The following POF1B variants were observed in gnomAD, a reference collection of about 807,000 sequenced individuals.
POF1B encodes the protein POF1B actin binding protein.
In POF1B, 53 loss-of-function variants were observed where a neutral mutation model predicts 55.3. That is an observed-to-expected ratio of 0.96 (90% CI 0.77 to 1.20). The LOEUF (loss-of-function observed/expected upper bound fraction) is 1.20, where lower values mean the gene tolerates loss of function less well. Ranked by LOEUF, POF1B falls within the 50% of genes most tolerant of loss-of-function variation. The pLI, the probability that POF1B is intolerant of heterozygous loss-of-function variation, is 0.00. For missense variants in POF1B, 478 were observed against 420.5 expected (o/e 1.14, Z -1.20); for synonymous variants, 188 against 148.3 (o/e 1.27, Z -1.95).
intron 4 of POF1B, among the ~76,000 whole-genome samples, chrX:85,357,828 G>A (rs963379688): frequency 1.7e-4 from 19 of 111,195 alleles, no homozygotes; most frequent in African/African-American, 6.2e-4. Flanking sequence ...CCACATCTCT[G>A]TTAAATGTGA....
chrX:85,317,477 G>A (rs146338395), intron 7 of POF1B, among the ~76,000 whole-genome samples: 30 of 109,915 alleles, frequency 2.7e-4, no homozygotes, highest in Non-Finnish European at 4.8e-4. Context: ...TCTGACTGGT[G>A]TGAGAAGGTA....
Position 85,374,885 on chromosome X carries a change from A to G in POF1B, c.282+4288T>C, listed in dbSNP as rs534820457. Among the ~76,000 whole-genome samples, 72 of 112,286 alleles carry G rather than the reference A, an allele frequency of 6.4e-4. 1 individual carries two copies. In the South Asian group the frequency reaches 0.024, roughly 37 times the overall value. On this transcript the variant is annotated intron_variant, in intron 2 of 16. Coordinates refer to ENST00000262753, the MANE Select transcript of POF1B (RefSeq NM_024921.4). ...ATACTCAACTTATATAGCAAGAAAC[A>G]TGTTATTTATAATAATCTCTCTTTA...
At chrX:85,355,618 A>G (rs1933477885) in intron 4 of POF1B, among the ~76,000 whole-genome samples, 2 of 112,014 alleles carry the variant, frequency 1.8e-5, no homozygotes, top group Non-Finnish European at 3.8e-5. Flanking sequence ...ACAAGAAAAA[A>G]ACAAACAACC....
intron 15 of POF1B, among the ~76,000 whole-genome samples, chrX:85,284,033 A>C (rs945014329): frequency 5.4e-5 from 6 of 111,557 alleles, no homozygotes; most frequent in Non-Finnish European, 9.4e-5. Flanking sequence ...CAGAGAGCCA[A>C]ATCACGAGTG....
chrX:85,289,745 T>C (rs58513361), intron 15 of POF1B, among the ~76,000 whole-genome samples: 2,857 of 111,285 alleles, frequency 0.026, 95 homozygotes, highest in African/African-American at 0.088. Context: ...TTTGAAGAAT[T>C]AGTTTAGGGA....
intron 7 of POF1B, among the ~76,000 whole-genome samples, chrX:85,328,165 CTTTT>C (rs1170529846): frequency 4.7e-4 from 48 of 101,751 alleles, no homozygotes; most frequent in East Asian, 3.7e-3. Context: ...TATACAATAT[CTTTT>C]TTATTTATTT....
In POF1B at chrX:85,279,336, A is replaced by T; in HGVS notation, c.*85T>A. ...TCCAAATTCTGATTGGCCTTTAGTG[A>T]TGGAAAAATAACAAAGTACTAATGC... On this transcript the variant is annotated 3_prime_UTR_variant, in exon 17 of 17. Coordinates refer to ENST00000262753, the MANE Select transcript of POF1B (RefSeq NM_024921.4). 1.0e-6 allele frequency: 1 copy of T among 971,218 alleles called. No homozygotes were observed. Among genetic ancestry groups the T allele is most frequent in the Non-Finnish European group, 1.4e-6 (1 of 700,433 alleles). The allele number at this position is 971,218 out of a possible 1,213,427, so 80.0% of individuals were successfully genotyped here.
intron 7 of POF1B, among the ~76,000 whole-genome samples, chrX:85,317,619 GTTGT>G (rs1932798782): frequency 9.0e-6 from 1 of 110,637 alleles, no homozygotes; most frequent in Non-Finnish European, 1.9e-5. Context: ...TTTTAATGAG[GTTGT>G]TTGTTTTTTG....
At chrX:85,361,956 G>A (rs1331579198) in intron 3 of POF1B, among the ~76,000 whole-genome samples, 5 of 62,233 alleles carry the variant, frequency 8.0e-5, no homozygotes, top group Middle Eastern at 7.8e-3. Flanking sequence ...TAGGTATTTC[G>A]TGTGTGTGTG....
At chrX:85,313,128 C>A (rs1932748148) in intron 9 of POF1B, among the ~76,000 whole-genome samples, 1 of 111,695 alleles carries the variant, frequency 9.0e-6, no homozygotes, top group Non-Finnish European at 1.9e-5. Context: ...CAAACAGAGA[C>A]AATTTGACTT....
intron 15 of POF1B, among the ~76,000 whole-genome samples, chrX:85,298,638 A>AT (rs779962924): frequency 4.5e-5 from 5 of 112,083 alleles, no homozygotes; most frequent in African/African-American, 1.6e-4. Flanking sequence ...TTTATTAGAT[A>AT]TTTTGGTCTT....
chrX:85,359,502 G>A (rs1246193854), intron 4 of POF1B, 48 bp downstream of exon 4: 1 of 947,742 alleles, frequency 1.1e-6, no homozygotes, highest in Non-Finnish European at 1.5e-6. Flanking sequence ...TTTTGTTTAA[G>A]CAATTAACTT....
In POF1B at chrX:85,351,572, A is replaced by G; in HGVS notation, c.439-121T>C. 3.0e-5 allele frequency: 14 copies of G among 462,608 alleles called. 1 individual carries two copies. The Middle Eastern group carries it at 4.6e-3, about 153-fold the overall frequency. The allele number at this position is 462,608 out of a possible 1,213,427, so 38.1% of individuals were successfully genotyped here. On this transcript the variant is annotated intron_variant, in intron 4 of 16. Coordinates refer to ENST00000262753, the MANE Select transcript of POF1B (RefSeq NM_024921.4). Reference sequence around the variant, plus strand: ...GTACTGGCTGACCTTAGGAAGAGAGAGGAATGACATCCCAATAATGTTGGT... The same window carrying G: ...GTACTGGCTGACCTTAGGAAGAGAGGGGAATGACATCCCAATAATGTTGGT...
In POF1B at chrX:85,305,981, G is replaced by T. The variant is rs865795339; in HGVS notation, c.1318-71C>A. The T allele has an allele frequency of 4.6e-6, 5 of 1,096,315 alleles. No individual in the cohort carries two copies. The Middle Eastern group carries it at 1.3e-3, about 275-fold the overall frequency. The allele number at this position is 1,096,315 out of a possible 1,213,427, so 90.3% of individuals were successfully genotyped here. A position where few individuals can be genotyped will look rare whatever the true frequency, so the allele number is the denominator to read the frequency against. ...AAATACATGTTATGTTACAAGGATT[G>T]TTATTAGATGAAAACCACATGATTA... On this transcript the variant is annotated intron_variant, in intron 12 of 16. Coordinates refer to ENST00000262753, the MANE Select transcript of POF1B (RefSeq NM_024921.4).
intron 15 of POF1B, among the ~76,000 whole-genome samples, chrX:85,285,820 C>T (rs1459294185): frequency 9.0e-6 from 1 of 110,877 alleles, no homozygotes; most frequent in East Asian, 2.9e-4. Flanking sequence ...TTAAAAATGA[C>T]CAGCTTACTC....
intron 7 of POF1B, among the ~76,000 whole-genome samples, chrX:85,316,966 A>G (rs1932793033): frequency 9.0e-6 from 1 of 110,688 alleles, no homozygotes; most frequent in Non-Finnish European, 1.9e-5. Flanking sequence ...ATAAGTAATA[A>G]CATGCAGTAT....
At chrX:85,341,395 T>G (rs1933168571) in intron 6 of POF1B, among the ~76,000 whole-genome samples, 1 of 110,942 alleles carries the variant, frequency 9.0e-6, no homozygotes, top group South Asian at 3.8e-4. Context: ...TATACATATA[T>G]TACTTTAACT....
intron 3 of POF1B, among the ~76,000 whole-genome samples, chrX:85,360,119 T>C (rs962523493): frequency 9.2e-6 from 1 of 108,865 alleles, no homozygotes; most frequent in Non-Finnish European, 1.9e-5. Flanking sequence ...TTTTGGGGGG[T>C]TCATGTAGAT....
intron 7 of POF1B, among the ~76,000 whole-genome samples, chrX:85,324,974 T>A (rs757202490): frequency 8.9e-6 from 1 of 111,920 alleles, no homozygotes; most frequent in East Asian, 2.8e-4. Context: ...AGATGTGAAA[T>A]TCTTGGTTGA....
Sources: allele counts gnomAD v4.1 joint callset (sites outside exome capture counted in the v4.1 genomes callset), GRCh38; gene constraint gnomAD v4.1.1; transcripts MANE v1.5; gene names NCBI Gene and HGNC (gene_info 2026-07-23, HGNC 2026-07-21).